ASPG: variants seen among roughly 807,000 people sequenced by gnomAD.
ASPG encodes asparaginase.
A neutral mutation model predicts 63.2 loss-of-function variants in ASPG; 53 were observed. The observed-to-expected ratio is 0.84, with a 90% confidence interval of 0.67 to 1.05. The LOEUF (loss-of-function observed/expected upper bound fraction) is 1.05, where lower values mean the gene tolerates loss of function less well. Ranked by LOEUF, ASPG falls within the 50% of genes least tolerant of loss-of-function variation. The pLI, the probability that ASPG is intolerant of heterozygous loss-of-function variation, is 0.00. For synonymous variants in ASPG, 370 were observed against 355.0 expected, an observed-to-expected ratio of 1.04 and a Z score of -0.48; for missense variants, 741 against 794.4, an observed-to-expected ratio of 0.93 and a Z score of 0.81.
intron 12 of ASPG, chr14:104,108,767 T>C (rs2037257985): frequency 4.1e-6 from 4 of 985,322 alleles, no homozygotes; most frequent in Non-Finnish European, 4.8e-6. Flanking sequence ...TGATTCAGTG[T>C]CCCCTGCGCC....
chr14:104,105,206 C>A, intron 9 of ASPG, 122 bp from the exon 10 acceptor site: 1 of 1,483,224 alleles, frequency 6.7e-7, no homozygotes, highest in Non-Finnish European at 9.3e-7. Flanking sequence ...ATGAAGCACA[C>A]ACGGCCGAGG....
chr14:104,105,471 C>A, intron 10 of ASPG, 21 bp downstream of exon 10: 1 of 1,546,172 alleles, frequency 6.5e-7, no homozygotes. Context: ...GGGACACGGG[C>A]CTGAGTGGCA....
At chr14:104,094,306 G>C (rs2036499288) in intron 3 of ASPG, among the ~76,000 whole-genome samples, 1 of 152,090 alleles carries the variant, frequency 6.6e-6, no homozygotes, top group Admixed American at 6.5e-5. Flanking sequence ...CTGGTGACCT[G>C]CTCACTGCCC....
rs34069866 is a variant in ASPG at position 104,110,794 on chromosome 14, G to T, written c.1521-708G>T. ...ATGGGTGGGTGGAGCCTTCCCTGCC[G>T]GGTCCCCACCTGGCCTGCTCCTGGC... On this transcript the variant is annotated intron_variant, in intron 13 of 15. Transcript: ENST00000551177. This position sits in a 1 kb window ranked among gnomAD's most constrained non-coding sequence, Gnocchi z 4.7. 9.1e-6 allele frequency: 9 copies of T among 985,134 alleles called. No homozygotes were observed. The highest frequency in any genetic ancestry group is 1.1e-5 in the Non-Finnish European group (9 of 829,780). 61.0% of individuals were successfully genotyped at this position (985,134 alleles called of 1,614,324 possible).
At chr14:104,105,087 G>C in intron 9 of ASPG, 1 of 621,552 alleles carries the variant, frequency 1.6e-6, no homozygotes, top group Non-Finnish European at 2.8e-6. Context: ...TGGGTTGCCA[G>C]CCTCTGGGGC....
chr14:104,101,463 C>T (rs556386853), intron 6 of ASPG, among the ~76,000 whole-genome samples: 16 of 152,066 alleles, frequency 1.1e-4, no homozygotes, highest in South Asian at 4.1e-4. Context: ...GTCGGCTCGG[C>T]GCCAAGGGGT....
Position 104,109,160 on chromosome 14 carries a change from G to T in ASPG, c.1434-69G>T. The T allele has an allele frequency of 6.3e-7, 1 of 1,583,008 alleles. No individual in the cohort carries two copies. The highest frequency in any genetic ancestry group is 8.6e-7 in the Non-Finnish European group (1 of 1,165,796). ...TGTGCACAGGACATGAGCTCTGCTG[G>T]CTCCTGAGTGAGGTGCAGCGGGGCT... On this transcript the variant is annotated intron_variant, in intron 12 of 15. Transcript: ENST00000551177. This position sits in a 1 kb window ranked among gnomAD's most constrained non-coding sequence, Gnocchi z 4.8.
intron 2 of ASPG, chr14:104,093,235 C>T (rs149117010): frequency 5.2e-6 from 3 of 571,940 alleles, no homozygotes; most frequent in Non-Finnish European, 6.3e-6. Flanking sequence ...CCCAGCCCCC[C>T]TCTTCGAGCT....
At chr14:104,087,325 C>T (rs557423898) in intron 1 of ASPG, among the ~76,000 whole-genome samples, 105 of 152,322 alleles carry the variant, frequency 6.9e-4, no homozygotes, top group African/African-American at 2.5e-3. Flanking sequence ...TGTGCTTGGC[C>T]CTCACAAGCT....
intron 9 of ASPG, 92 bp downstream of exon 9, chr14:104,104,827 C>T (rs907548471): frequency 6.4e-6 from 7 of 1,101,614 alleles, no homozygotes; most frequent in Middle Eastern, 3.0e-4. Flanking sequence ...GCCGGAAGAG[C>T]CTGGGGGCCG....
At position 104,112,797 on chromosome 14, in the gene ASPG, G is replaced by T. The variant is rs1233362127; in HGVS notation, c.*253G>T. 8.1e-6 allele frequency: 6 copies of T among 737,418 alleles called. No homozygotes were observed. Among genetic ancestry groups the T allele is most frequent in the Non-Finnish European group, 1.3e-5 (6 of 471,204 alleles). The allele number at this position is 737,418 out of a possible 1,614,324, so 45.7% of individuals were successfully genotyped here. A position where few individuals can be genotyped will look rare whatever the true frequency, so the allele number is the denominator to read the frequency against. On this transcript the variant is annotated 3_prime_UTR_variant, in exon 16 of 16. Coordinates refer to ENST00000551177, the MANE Select transcript of ASPG (RefSeq NM_001080464.3). ...GGGAGTCAGGCCCAGGCTCTGTGGG[G>T]TCTCTGCGGGGGTCACTTGGCCCAT...
Position 104,103,654 on chromosome 14 carries a change from C to G in ASPG, c.732C>G (p.Tyr244Ter), listed in dbSNP as rs764613700. Residue 244 changes from tyrosine (Y) to a stop codon, truncating the protein, a stop_gained, in exon 7 of 16, where the codon TAC becomes TAG. Coordinates refer to ENST00000551177, the MANE Select transcript of ASPG (RefSeq NM_001080464.3). LOFTEE classifies it high-confidence loss of function. ...AGGACGTGGGCCTGCTGCGCCTCTA[C>G]CCTGGGATCCCTGCCGCCCTGGTAG... ...MEQDVGLLRL[Y>*]PGIPAALVRA... 7.8e-6 allele frequency: 12 copies of G among 1,547,892 alleles called. No individual in the cohort carries two copies. The South Asian group carries it at 1.4e-4, about 18-fold the overall frequency.
In ASPG at chr14:104,112,738, GCT is replaced by G; in HGVS notation, c.*197_*198del. 1 of 1,318,524 alleles carries G rather than the reference GCT, an allele frequency of 7.6e-7. No individual in the cohort carries two copies. Among genetic ancestry groups the G allele is most frequent in the Admixed American group, 2.2e-5 (1 of 46,502 alleles). 81.7% of individuals were successfully genotyped at this position (1,318,524 alleles called of 1,614,324 possible). ...GGTCTGTACAGCCTGGCTCTGAGAG[GCT>G]CTGTCTGGGTCCGGGACTGTGGATG... is the stretch of plus-strand genomic sequence containing the variant. On this transcript the variant is annotated 3_prime_UTR_variant, in exon 16 of 16. Transcript: ENST00000551177.
At chr14:104,103,461 AAAC>A in intron 6 of ASPG, 99 bp from the exon 7 acceptor site, 1 of 1,029,794 alleles carries the variant, frequency 9.7e-7, no homozygotes, top group Non-Finnish European at 1.4e-6. Flanking sequence ...AGGGCTCTGA[AAAC>A]AAGGGAGGAG....
Position 104,110,235 on chromosome 14 carries a change from G to A in ASPG, c.1520+920G>A, listed in dbSNP as rs2037329719. The A allele has an allele frequency of 1.0e-6, 1 of 985,198 alleles. No homozygotes were observed. The highest frequency in any genetic ancestry group is 1.2e-6 in the Non-Finnish European group (1 of 829,804). The allele number at this position is 985,198 out of a possible 1,614,324, so 61.0% of individuals were successfully genotyped here. ...AAGTCCAGAGTCCCAGGCTTGGGGA[G>A]TGGGTGATGGCGGGGGCTCGGCTCA... is the stretch of plus-strand genomic sequence containing the variant. On this transcript the variant is annotated intron_variant, in intron 13 of 15. Coordinates refer to ENST00000551177, the MANE Select transcript of ASPG (RefSeq NM_001080464.3). This position sits in a 1 kb window ranked among gnomAD's most constrained non-coding sequence, Gnocchi z 4.7.
intron 6 of ASPG, among the ~76,000 whole-genome samples, chr14:104,099,912 C>T (rs1182722968): frequency 2.0e-5 from 3 of 152,350 alleles, no homozygotes; most frequent in East Asian, 3.9e-4. Context: ...GTGGGGCTGC[C>T]TGCCCAGGAC....
At position 104,110,810 on chromosome 14, in the gene ASPG, T is replaced by A. The variant is rs934807117; in HGVS notation, c.1521-692T>A. On this transcript the variant is annotated intron_variant, in intron 13 of 15. Coordinates refer to ENST00000551177, the MANE Select transcript of ASPG (RefSeq NM_001080464.3). The surrounding 1 kb of genome is among the most constrained non-coding windows in gnomAD (Gnocchi z 4.7). Reference sequence around the variant, plus strand: ...TTCCCTGCCGGGTCCCCACCTGGCCTGCTCCTGGCCTCCCCAGGTGGCGAG... The same window carrying A: ...TTCCCTGCCGGGTCCCCACCTGGCCAGCTCCTGGCCTCCCCAGGTGGCGAG... 2 of 985,034 alleles carry A rather than the reference T, an allele frequency of 2.0e-6. No homozygotes were observed. Among genetic ancestry groups the A allele is most frequent in the Non-Finnish European group, 2.4e-6 (2 of 829,712 alleles). The allele number at this position is 985,034 out of a possible 1,614,324, so 61.0% of individuals were successfully genotyped here. A position where few individuals can be genotyped will look rare whatever the true frequency, so the allele number is the denominator to read the frequency against.
rs202050105 is a variant in ASPG at position 104,112,524 on chromosome 14, G to A, written c.1702G>A (p.Glu568Lys). The A allele has an allele frequency of 2.8e-5, 42 of 1,490,302 alleles. No homozygotes were observed. The highest frequency in any genetic ancestry group is 3.7e-5 in the Non-Finnish European group (40 of 1,067,782). 92.3% of individuals were successfully genotyped at this position (1,490,302 alleles called of 1,614,324 possible). A position where few individuals can be genotyped will look rare whatever the true frequency, so the allele number is the denominator to read the frequency against. Residue 568 changes from glutamate to lysine, a missense_variant and splice_region_variant, in exon 16 of 16, where the codon GAA (glutamate) becomes AAA (lysine). Coordinates refer to ENST00000551177, the MANE Select transcript of ASPG (RefSeq NM_001080464.3). ...GAVGAQAPCP[E>K]VLPGV ...TTCTCAGGAGCCCTCATGTTTTCAG[G>A]AAGTGCTGCCTGGTGTCTAACCTGA... is the stretch of plus-strand genomic sequence containing the variant.
intron 2 of ASPG, 151 bp from the exon 3 acceptor site, chr14:104,093,340 C>G (rs1033522611): frequency 1.4e-6 from 1 of 734,840 alleles, no homozygotes; most frequent in Non-Finnish European, 2.4e-6. Flanking sequence ...GGCCCCGTAC[C>G]TGGGATGCTG....
Sources: allele counts gnomAD v4.1 joint callset (sites outside exome capture counted in the v4.1 genomes callset), GRCh38; gene constraint gnomAD v4.1.1; non-coding constraint Gnocchi (gnomAD v3.1); transcripts MANE v1.5; gene names NCBI Gene and HGNC (gene_info 2026-07-23, HGNC 2026-07-21).